The following PCDHGA1 variants were observed in gnomAD, a reference collection of about 807,000 sequenced individuals.
PCDHGA1 encodes protocadherin gamma-A1.
PCDHGA1 carries 32 observed loss-of-function variants against 58.0 expected under a neutral mutation model. That is an observed-to-expected ratio of 0.55 (90% CI 0.42 to 0.74). PCDHGA1 has a LOEUF of 0.74. PCDHGA1 is among the 30% of genes least tolerant of loss of function. PCDHGA1 has a pLI of 0.00. For synonymous variants in PCDHGA1, 498 were observed against 501.1 expected (o/e 0.99, Z 0.08); for missense variants, 1,205 against 1,182.3 (o/e 1.02, Z -0.28).
At chr5:141,343,968 A>G (rs1425572698) in intron 1 of PCDHGA1, 2 of 1,375,848 alleles carry the variant, frequency 1.5e-6, no homozygotes, top group Middle Eastern at 4.2e-4. Flanking sequence ...TCTTGAGAAA[A>G]TAAGATTGGA....
At chr5:141,381,078 T>C (rs1776973656) in intron 1 of PCDHGA1, among the ~76,000 whole-genome samples, 1 of 152,250 alleles carries the variant, frequency 6.6e-6, no homozygotes, top group African/African-American at 2.4e-5. Flanking sequence ...ATGGATTATT[T>C]TGATAGATCA....
chr5:141,495,005 C>T (rs555909709), intron 2 of PCDHGA1, 140 bp downstream of exon 2: 1,141 of 1,522,692 alleles, frequency 7.5e-4, no homozygotes, highest in Non-Finnish European at 8.4e-4. Context: ...TCTTGGTGTG[C>T]GGGGGGCTGG....
chr5:141,365,803 G>C, intron 1 of PCDHGA1: 6 of 1,613,862 alleles, frequency 3.7e-6, no homozygotes, highest in South Asian at 1.1e-5. Flanking sequence ...CCTACTCCCT[G>C]GCTGAAGACA....
intron 1 of PCDHGA1, among the ~76,000 whole-genome samples, chr5:141,453,643 T>G (rs1267570786): frequency 2.6e-5 from 4 of 152,240 alleles, no homozygotes; most frequent in Non-Finnish European, 5.9e-5. Flanking sequence ...TATATTTTCT[T>G]ATGTCCTCTT....
At chr5:141,420,215 A>G in intron 1 of PCDHGA1, 2 of 1,612,096 alleles carry the variant, frequency 1.2e-6, no homozygotes, top group South Asian at 1.1e-5. Context: ...CAAAGATAGC[A>G]TGCTACTGGC....
At chr5:141,414,570 C>G (rs1253876890) in intron 1 of PCDHGA1, 13 of 1,613,862 alleles carry the variant, frequency 8.1e-6, no homozygotes, top group Non-Finnish European at 1.0e-5. Flanking sequence ...TTACCTATAT[C>G]CCAGAGAACA....
chr5:141,393,078 A>G, intron 1 of PCDHGA1: 1 of 1,613,718 alleles, frequency 6.2e-7, no homozygotes, highest in Non-Finnish European at 8.5e-7. Context: ...CACCGCGGGC[A>G]GGATAGATCG....
At chr5:141,352,463 G>C (rs779356890) in intron 1 of PCDHGA1, 12 of 1,613,902 alleles carry the variant, frequency 7.4e-6, no homozygotes, top group Non-Finnish European at 1.0e-5. Context: ...TGGGCCCGGG[G>C]TTCCTCCCAA....
Position 141,331,162 on chromosome 5 carries a change from C to A in PCDHGA1, c.478C>A (p.Leu160Ile). ...TRVSLPFGQD[L>I]DVGMNSLQSY... ...AGTCTCATTGCCTTTTGGGCAAGAC[C>A]TTGATGTGGGTATGAACTCACTCCA... is the stretch of plus-strand genomic sequence containing the variant. The change falls in exon 1 of 4, where the codon CTT (leucine) becomes ATT (isoleucine). Residue 160 changes from leucine (L) to isoleucine (I), a missense_variant. Transcript: ENST00000517417. 3 of 1,614,096 alleles carry A rather than the reference C, an allele frequency of 1.9e-6. No homozygotes were observed. The highest frequency in any genetic ancestry group is 2.5e-6 in the Non-Finnish European group (3 of 1,180,030).
rs369851570 is a variant in PCDHGA1, at chr5:141,408,393, G to T, written c.2421+75288G>T. 1.7e-5 allele frequency: 28 copies of T among 1,613,918 alleles called. No individual in the cohort carries two copies. In the Admixed American group the frequency reaches 2.2e-4, roughly 12 times the overall value. On this transcript the variant is annotated intron_variant, in intron 1 of 3. Coordinates refer to ENST00000517417, the MANE Select transcript of PCDHGA1 (RefSeq NM_018912.3). Reference sequence around the variant, plus strand: ...CTCAGTGTCCTGGATGTGTCGGCTCGCAAGCTGCGAGTGAGCGCGGAGAAG... The same window carrying T: ...CTCAGTGTCCTGGATGTGTCGGCTCTCAAGCTGCGAGTGAGCGCGGAGAAG...
chr5:141,331,802 A>G lies in PCDHGA1; in HGVS notation c.1118A>G (p.Asp373Gly). The change falls in exon 1 of 4, where the codon GAC becomes GGC. Residue 373 changes from aspartate (D) to glycine (G), a missense_variant. Asp to Gly is a moderately conservative substitution (Grantham distance 94, BLOSUM62 -1). Transcript: ENST00000517417. ...GTIIALISVH[D>G]QDSGDNGYTT... is the part of the protein sequence containing the mutation. Reference sequence around the variant, plus strand: ...ATAATTGCTCTTATCAGTGTGCATGACCAGGACTCAGGAGACAATGGCTAC... The same window carrying G: ...ATAATTGCTCTTATCAGTGTGCATGGCCAGGACTCAGGAGACAATGGCTAC... The G allele has an allele frequency of 6.2e-7, 1 of 1,614,140 alleles. No homozygotes were observed. The highest frequency in any genetic ancestry group is 2.2e-5 in the East Asian group (1 of 44,882).
intron 1 of PCDHGA1, chr5:141,422,845 G>A: frequency 6.2e-7 from 1 of 1,614,230 alleles, no homozygotes; most frequent in Non-Finnish European, 8.5e-7. Context: ...TGACAGCGGG[G>A]ACCCGCCCCT....
chr5:141,399,797 G>A (rs760211919), intron 1 of PCDHGA1: 1 of 1,613,192 alleles, frequency 6.2e-7, no homozygotes, highest in Non-Finnish European at 8.5e-7. Context: ...AACGCACCGC[G>A]GGTGCTGTAC....
intron 1 of PCDHGA1, chr5:141,339,298 G>T: frequency 6.2e-7 from 1 of 1,614,268 alleles, no homozygotes; most frequent in African/African-American, 1.3e-5. Flanking sequence ...TTAACATTCT[G>T]CTGGAGGATA....
chr5:141,499,565 C>CTTATCTTGT (rs2099792732), intron 2 of PCDHGA1, among the ~76,000 whole-genome samples: 2 of 152,168 alleles, frequency 1.3e-5, no homozygotes, highest in Non-Finnish European at 2.9e-5. Flanking sequence ...CACTATCCAG[C>CTTATCTTGT]TTCAACTAAT....
rs373728953 is a variant in PCDHGA1 at position 141,491,753 on chromosome 5, C to A, written c.2422-3054C>A. The A allele has an allele frequency of 6.3e-7, 1 of 1,585,146 alleles. No homozygotes were observed. The highest frequency in any genetic ancestry group is 8.6e-7 in the Non-Finnish European group (1 of 1,166,912). On this transcript the variant is annotated intron_variant, in intron 1 of 3. Transcript: ENST00000517417. This position sits in a 1 kb window ranked among gnomAD's most constrained non-coding sequence, Gnocchi z 6.9. The stretch of plus-strand genomic sequence containing the variant: ...ACCCCTGGGGGCGGCACTGGAGAAG[C>A]CGCCCGTCCTCATAAGGGATTGAAC...
Position 141,345,050 on chromosome 5 carries a change from T to C in PCDHGA1, c.2421+11945T>C, listed in dbSNP as rs759945231. The C allele has an allele frequency of 3.1e-6, 5 of 1,613,958 alleles. No homozygotes were observed. The South Asian group carries it at 4.4e-5, about 14-fold the overall frequency. ...CCAAGATTCTAGTCACGGTTCTGGA[T>C]GTGAATGACAATGCTCCAGAAATTA... is the stretch of plus-strand genomic sequence containing the variant. On this transcript the variant is annotated intron_variant, in intron 1 of 3. Transcript: ENST00000517417.
At chr5:141,484,009 TG>T (rs2099590446) in intron 1 of PCDHGA1, among the ~76,000 whole-genome samples, 1 of 14,098 alleles carries the variant, frequency 7.1e-5, no homozygotes, top group Admixed American at 8.3e-4. Context: ...TGGATGAGGG[TG>T]GGGGTGGGGT....
Position 141,332,722 on chromosome 5 carries a change from C to T in PCDHGA1, c.2038C>T (p.Pro680Ser), listed in dbSNP as rs777848264. ...CCTGGCCGACCTGGGCAGCCTCGAGCCCTCCGCCAAACCCAACGATTCGGA... is the reference window on the plus strand; with the variant it reads ...CCTGGCCGACCTGGGCAGCCTCGAGTCCTCCGCCAAACCCAACGATTCGGA... ...DILADLGSLEPSAKPNDSDLT... is the reference protein window; with the variant it reads ...DILADLGSLESSAKPNDSDLT... The change falls in exon 1 of 4, where the codon CCC becomes TCC. Residue 680 changes from proline to serine, a missense_variant. Transcript: ENST00000517417. The surrounding 1 kb of genome is among the most constrained non-coding windows in gnomAD (Gnocchi z 4.6). 2 of 1,614,024 alleles carry T rather than the reference C, an allele frequency of 1.2e-6. No individual in the cohort carries two copies. The highest frequency in any genetic ancestry group is 1.1e-5 in the South Asian group (1 of 91,084).
Sources: allele counts gnomAD v4.1 joint callset (sites outside exome capture counted in the v4.1 genomes callset), GRCh38; gene constraint gnomAD v4.1.1; non-coding constraint Gnocchi (gnomAD v3.1); transcripts MANE v1.5; gene names NCBI Gene and HGNC (gene_info 2026-07-23, HGNC 2026-07-21).